Variants in FGFR1 observed in about 807,000 individuals in gnomAD.
FGFR1 encodes the protein fibroblast growth factor receptor 1, also known as FGFR1/PLAG1 fusion.
A neutral mutation model predicts 93.7 loss-of-function variants in FGFR1; 18 were observed. The observed-to-expected ratio is 0.19, with a 90% CI of 0.13 to 0.28. The LOEUF (loss-of-function observed/expected upper bound fraction) is 0.28. Ranked by LOEUF, FGFR1 falls within the 10% of genes least tolerant of loss-of-function variation. The pLI, the probability that FGFR1 is intolerant of heterozygous loss-of-function variation, is 1.00. For missense variants in FGFR1, 731 were observed against 1,080.4 expected, an observed-to-expected ratio of 0.68 and a Z score of 4.53; for synonymous variants, 448 against 429.3, an observed-to-expected ratio of 1.04 and a Z score of -0.54.
In FGFR1 at chr8:38,419,654, G is replaced by T. The variant is rs370205081; in HGVS notation, c.1163C>A (p.Ser388Tyr). Residue 388 changes from serine to tyrosine, a missense_variant, in exon 9 of 18, where the codon TCC becomes TAC. This residue lies in a region of FGFR1 where 146 missense variants were observed against 173.0 expected (regional missense o/e 0.84). Coordinates refer to ENST00000447712, the MANE Select transcript of FGFR1 (RefSeq NM_023110.3). ...GACGATGACCGACCCCACCATGCAGGAGATGAGGAAGGCCCCTGTGCAATA... is the reference window on the plus strand; with the variant it reads ...GACGATGACCGACCCCACCATGCAGTAGATGAGGAAGGCCCCTGTGCAATA... ...IIYCTGAFLISCMVGSVIVYK... is the reference protein window; with the variant it reads ...IIYCTGAFLIYCMVGSVIVYK... 6.2e-7 allele frequency: 1 copy of T among 1,614,132 alleles called. No individual in the cohort carries two copies. The highest frequency in any genetic ancestry group is 8.5e-7 in the Non-Finnish European group (1 of 1,180,024).
intron 2 of FGFR1, chr8:38,430,264 G>A (rs1563517990): frequency 1.1e-5 from 4 of 358,908 alleles, no homozygotes; most frequent in African/African-American, 2.1e-5. Context: ...TAAGGGGAAA[G>A]GTCGGCCCTC....
chr8:38,419,459 C>A, intron 9 of FGFR1, 74 bp downstream of exon 9: 2 of 1,356,100 alleles, frequency 1.5e-6, no homozygotes, highest in Middle Eastern at 1.9e-4. Context: ...AAATTAGGGA[C>A]AATGGAGAGG....
chr8:38,439,205 T>C (rs1395609466), intron 2 of FGFR1, among the ~76,000 whole-genome samples: 2 of 152,114 alleles, frequency 1.3e-5, no homozygotes, highest in African/African-American at 4.8e-5. Context: ...ATCTGCTGGG[T>C]CCTGGCCCCT....
At chr8:38,442,903 C>T (rs1046222241) in intron 2 of FGFR1, among the ~76,000 whole-genome samples, 2 of 152,226 alleles carry the variant, frequency 1.3e-5, no homozygotes, top group East Asian at 1.9e-4. Context: ...TCCCCGCAAT[C>T]CCGTCTCATT....
intron 1 of FGFR1, 51 bp from the exon 2 acceptor site, chr8:38,457,585 G>A (rs2151356184): frequency 3.3e-6 from 5 of 1,525,060 alleles, no homozygotes; most frequent in Non-Finnish European, 4.4e-6. Context: ...GGTAGGGGAG[G>A]GGAAAGGAAA....
intron 1 of FGFR1, among the ~76,000 whole-genome samples, chr8:38,464,908 C>T (rs1174668441): frequency 2.6e-5 from 4 of 152,154 alleles, no homozygotes; most frequent in Admixed American, 2.6e-4. Context: ...GCTGCTAAAC[C>T]CCCAAGTTCA....
chr8:38,418,169 A>G (rs1328771419), intron 10 of FGFR1, 59 bp downstream of exon 10: 14 of 1,612,432 alleles, frequency 8.7e-6, no homozygotes, highest in Non-Finnish European at 1.2e-5. Context: ...CACACCTTCC[A>G]CCACTAGAAT....
chr8:38,425,227 A>C (rs1342861767), intron 6 of FGFR1, among the ~76,000 whole-genome samples: 1 of 151,972 alleles, frequency 6.6e-6, no homozygotes, highest in Non-Finnish European at 1.5e-5. Flanking sequence ...TGCAGCTTCG[A>C]ATTCCTGGGC....
intron 2 of FGFR1, among the ~76,000 whole-genome samples, chr8:38,448,020 T>C (rs1046468827): frequency 5.9e-5 from 9 of 152,358 alleles, no homozygotes; most frequent in African/African-American, 2.2e-4. Flanking sequence ...GAACATTATG[T>C]AGTTCTTAAG....
chr8:38,435,699 C>CT (rs1825123750), intron 2 of FGFR1: 1 of 152,252 alleles, frequency 6.6e-6, no homozygotes, highest in Non-Finnish European at 1.5e-5. Flanking sequence ...CTGCCCTGAG[C>CT]TGGCCTTTCT....
intron 2 of FGFR1, among the ~76,000 whole-genome samples, chr8:38,449,516 C>T (rs903396867): frequency 3.3e-5 from 5 of 152,196 alleles, no homozygotes; most frequent in South Asian, 4.1e-4. Flanking sequence ...TAGAAACCTC[C>T]GTGTTGCTGT....
rs889785036 is a variant in FGFR1, at chr8:38,430,066, G to C, written c.92-118C>G. The stretch of plus-strand genomic sequence containing the variant: ...GGCCACACGGAGCCGCACCATCCTG[G>C]GCATCACTTACTGGAGGCTACTGAG... On this transcript the variant is annotated intron_variant, in intron 2 of 17. Transcript: ENST00000447712. The C allele has an allele frequency of 1.0e-5, 11 of 1,048,216 alleles. No individual in the cohort carries two copies. The African/African-American group carries it at 1.7e-4, about 17-fold the overall frequency. The allele number at this position is 1,048,216 out of a possible 1,614,324, so 64.9% of individuals were successfully genotyped here.
chr8:38,442,644 A>G (rs1331337819), intron 2 of FGFR1, among the ~76,000 whole-genome samples: 7 of 152,024 alleles, frequency 4.6e-5, no homozygotes. Context: ...AAAAGAATGT[A>G]TCGCCCTCCC....
intron 1 of FGFR1, among the ~76,000 whole-genome samples, chr8:38,459,246 T>C (rs926282913): frequency 6.6e-6 from 1 of 152,160 alleles, no homozygotes. Context: ...ATTCAGAGAA[T>C]CTACTTCCCC....
rs777228520 is a variant in FGFR1, at chr8:38,419,755, G to A, written c.1082-20C>T. 72 of 1,610,392 alleles carry A rather than the reference G, an allele frequency of 4.5e-5. No homozygotes were observed. The highest frequency in any genetic ancestry group is 6.0e-5 in the Non-Finnish European group (71 of 1,177,266). On this transcript the variant is annotated intron_variant, in intron 8 of 17. Coordinates refer to ENST00000447712, the MANE Select transcript of FGFR1 (RefSeq NM_023110.3). The stretch of plus-strand genomic sequence containing the variant: ...CCAGGGCTGAGTCAGTGCGAACAGG[G>A]TGTTAGCAGGCTTGGAGGGCCCCGT...
At chr8:38,443,704 A>C (rs1342079304) in intron 2 of FGFR1, among the ~76,000 whole-genome samples, 1 of 151,860 alleles carries the variant, frequency 6.6e-6, no homozygotes, top group Non-Finnish European at 1.5e-5. Flanking sequence ...TAACTTAAAA[A>C]AATAAAAATA....
At position 38,424,498 on chromosome 8, in the gene FGFR1, G is replaced by A. The variant is rs1308185469; in HGVS notation, c.936+11C>T. 3.1e-6 allele frequency: 5 copies of A among 1,614,140 alleles called. No individual in the cohort carries two copies. In the African/African-American group the frequency reaches 4.0e-5, roughly 13 times the overall value. ...AGTAGACTGGCCCACGAAGACTGGT[G>A]CCATGATTACCTTCAAGATCTGGAC... On this transcript the variant is annotated intron_variant, in intron 7 of 17. Coordinates refer to ENST00000447712, the MANE Select transcript of FGFR1 (RefSeq NM_023110.3). This position sits in a 1 kb window ranked among gnomAD's most constrained non-coding sequence, Gnocchi z 4.3.
Position 38,414,787 on chromosome 8 carries a change from T to C in FGFR1, c.1969A>G (p.Thr657Ala). ...DIHHIDYYKK[T>A]TNGRLPVKWM... ...GCCTTGTCGGCACTCACGTTGGTTG[T>C]CTTTTTATAGTAGTCGATGTGGTGA... Residue 657 changes from threonine (T) to alanine (A), a missense_variant, in exon 14 of 18, where the codon ACA becomes GCA. Thr to Ala is a moderately conservative substitution (Grantham distance 58, BLOSUM62 0). Coordinates refer to ENST00000447712, the MANE Select transcript of FGFR1 (RefSeq NM_023110.3). 1 of 1,614,062 alleles carries C rather than the reference T, an allele frequency of 6.2e-7. No individual in the cohort carries two copies. The highest frequency in any genetic ancestry group is 1.1e-5 in the South Asian group (1 of 91,086).
Position 38,419,610 on chromosome 8 carries a change from T to C in FGFR1, c.1207A>G (p.Thr403Ala), listed in dbSNP as rs1817972911. 6.2e-7 allele frequency: 1 copy of C among 1,613,972 alleles called. No homozygotes were observed. The highest frequency in any genetic ancestry group is 1.7e-5 in the Admixed American group (1 of 59,998). Residue 403 changes from threonine to alanine, a missense_variant, in exon 9 of 18, where the codon ACC (threonine) becomes GCC (alanine). Thr to Ala is a moderately conservative substitution (Grantham distance 58). Coordinates refer to ENST00000447712, the MANE Select transcript of FGFR1 (RefSeq NM_023110.3). ...SVIVYKMKSG[T>A]KKSDFHSQMA... The stretch of plus-strand genomic sequence containing the variant: ...TGGCTGTGGAAGTCACTCTTCTTGG[T>C]ACCACTCTTCATCTTGTAGACGATG...
Sources: allele counts gnomAD v4.1 joint callset (sites outside exome capture counted in the v4.1 genomes callset), GRCh38; gene constraint gnomAD v4.1.1; regional missense constraint gnomAD v4.1.1; non-coding constraint Gnocchi (gnomAD v3.1); transcripts MANE v1.5; gene names NCBI Gene and HGNC (gene_info 2026-07-23, HGNC 2026-07-21).